Variants in CDKAL1 observed in about 807,000 individuals in gnomAD.
CDKAL1 encodes threonylcarbamoyladenosine tRNA methylthiotransferase.
Under a neutral mutation model 68.2 loss-of-function variants are expected in CDKAL1, and 32 were observed. That is an observed-to-expected ratio of 0.47 (90% CI 0.35 to 0.63). The LOEUF is 0.63. Ranked by LOEUF, CDKAL1 falls within the 30% of genes least tolerant of loss-of-function variation. The pLI, the probability that CDKAL1 is intolerant of heterozygous loss-of-function variation, is 0.00. For synonymous variants in CDKAL1, 234 were observed against 244.3 expected (o/e 0.96, Z 0.39); for missense variants, 606 against 696.7 (o/e 0.87, Z 1.47).
In CDKAL1 at chr6:20,603,768, A is replaced by ATTTTTTTT. The variant is rs745786047; in HGVS notation, c.287-45506_287-45499dup. ...ACATTGATTAATGGGCAGTTGCTAA[A>ATTTTTTTT]TTTTTTTTTTTTTTTTTTTTTTTTT... On this transcript the variant is annotated intron_variant, in intron 4 of 15. Coordinates refer to ENST00000274695, the MANE Select transcript of CDKAL1 (RefSeq NM_017774.3). Among the ~76,000 whole-genome samples the ATTTTTTTT allele has an allele frequency of 1.7e-3, 141 of 85,208 alleles. 16 individuals are homozygous for ATTTTTTTT. Among genetic ancestry groups the ATTTTTTTT allele is most frequent in the East Asian group, 7.3e-3 (17 of 2,314 alleles). The allele number at this position is 85,208 out of a possible 152,430, so 55.9% of individuals were successfully genotyped here. A position where few individuals can be genotyped will look rare whatever the true frequency, so the allele number is the denominator to read the frequency against.
chr6:20,677,871 T>C (rs1350971316), intron 5 of CDKAL1, among the ~76,000 whole-genome samples: 1 of 152,220 alleles, frequency 6.6e-6, no homozygotes, highest in Non-Finnish European at 1.5e-5. Flanking sequence ...ATTTAGGTTT[T>C]TATTTCTCCT....
At chr6:21,126,569 C>T (rs557819718) in intron 13 of CDKAL1, among the ~76,000 whole-genome samples, 27 of 152,324 alleles carry the variant, frequency 1.8e-4, no homozygotes, top group Non-Finnish European at 2.9e-4. Flanking sequence ...CACCACTTGC[C>T]TGAGTCCTCT....
At chr6:20,819,190 C>T (rs116485578) in intron 8 of CDKAL1, among the ~76,000 whole-genome samples, 1 of 151,420 alleles carries the variant, frequency 6.6e-6, no homozygotes, top group Non-Finnish European at 1.5e-5. Flanking sequence ...TTTATTTTCA[C>T]TATAAATAAG....
intron 12 of CDKAL1, among the ~76,000 whole-genome samples, chr6:21,072,659 G>A (rs1043420801): frequency 2.7e-5 from 4 of 146,264 alleles, no homozygotes; most frequent in African/African-American, 1.0e-4. Context: ...CAGTCACCCA[G>A]GCCTGGAATA....
intron 15 of CDKAL1, among the ~76,000 whole-genome samples, chr6:21,225,212 A>T (rs549371976): frequency 6.6e-6 from 1 of 152,192 alleles, no homozygotes; most frequent in South Asian, 2.1e-4. Flanking sequence ...TGGTTGAGAG[A>T]GGTTTTCCTA....
intron 9 of CDKAL1, among the ~76,000 whole-genome samples, chr6:20,952,004 G>GC (rs1345218787): frequency 1.4e-5 from 2 of 139,798 alleles, no homozygotes; most frequent in Admixed American, 1.6e-4. Flanking sequence ...TGTCGCCCAG[G>GC]CTGGAGTGCA....
chr6:20,591,553 G>T (rs562865347), intron 4 of CDKAL1, among the ~76,000 whole-genome samples: 65 of 152,196 alleles, frequency 4.3e-4, no homozygotes, highest in African/African-American at 1.4e-3. Context: ...AAGGGGTCCA[G>T]TTTCTGTTAG....
chr6:21,017,363 G>T (rs1303698443), intron 11 of CDKAL1, among the ~76,000 whole-genome samples: 1 of 152,220 alleles, frequency 6.6e-6, no homozygotes, highest in African/African-American at 2.4e-5. Context: ...GAACCCCTCA[G>T]GAAGGTACAG....
intron 10 of CDKAL1, among the ~76,000 whole-genome samples, chr6:20,961,988 C>T (rs966171527): frequency 1.8e-4 from 28 of 152,178 alleles, no homozygotes; most frequent in African/African-American, 6.5e-4. Flanking sequence ...ACTTATCTCC[C>T]TTTAAGAGAC....
intron 5 of CDKAL1, among the ~76,000 whole-genome samples, chr6:20,702,236 C>T (rs796502459): frequency 1.3e-5 from 2 of 152,106 alleles, no homozygotes; most frequent in African/African-American, 2.4e-5. Context: ...ACGGGCAGGT[C>T]GTGGGGCTCT....
At position 21,057,254 on chromosome 6, in the gene CDKAL1, G is replaced by T. The variant is rs191285513; in HGVS notation, c.1056-7794G>T. ...TTCTTCCTTGTTCACTCTTGGGAGG[G>T]TGTATGTGTCCAGGAATTTATCCAT... On this transcript the variant is annotated intron_variant, in intron 11 of 15. Coordinates refer to ENST00000274695, the MANE Select transcript of CDKAL1 (RefSeq NM_017774.3). 1.3e-3 allele frequency among the ~76,000 whole-genome samples: 205 copies of T among 152,222 alleles called. 1 individual carries two copies. In the Middle Eastern group the frequency reaches 0.014, roughly 10 times the overall value.
At chr6:21,009,382 A>G (rs1041344334) in intron 11 of CDKAL1, among the ~76,000 whole-genome samples, 4 of 152,320 alleles carry the variant, frequency 2.6e-5, no homozygotes, top group Admixed American at 1.3e-4. Flanking sequence ...ACAACATTCT[A>G]TAGTCAATAT....
chr6:20,787,867 C>G (rs1439624737), intron 8 of CDKAL1, among the ~76,000 whole-genome samples: 1 of 152,162 alleles, frequency 6.6e-6, no homozygotes, highest in African/African-American at 2.4e-5. Context: ...GTATTTTACA[C>G]AGATACTGGT....
At chr6:20,544,847 C>T (rs1175621175) in intron 2 of CDKAL1, among the ~76,000 whole-genome samples, 1 of 151,982 alleles carries the variant, frequency 6.6e-6, no homozygotes, top group South Asian at 2.1e-4. Context: ...TCCAGGATCC[C>T]TCCAGGTCCT....
intron 10 of CDKAL1, among the ~76,000 whole-genome samples, chr6:20,987,028 A>T (rs545547912): frequency 4.6e-5 from 7 of 152,158 alleles, no homozygotes; most frequent in African/African-American, 1.7e-4. Flanking sequence ...TGGCTGTCCT[A>T]TATTCTTCTT....
chr6:20,857,842 C>A (rs559421705), intron 9 of CDKAL1, among the ~76,000 whole-genome samples: 3 of 152,094 alleles, frequency 2.0e-5, no homozygotes, highest in Non-Finnish European at 4.4e-5. Flanking sequence ...CCACACCAGA[C>A]CTTTCTTCAG....
intron 4 of CDKAL1, among the ~76,000 whole-genome samples, chr6:20,600,419 G>A (rs1448361276): frequency 6.6e-6 from 1 of 151,998 alleles, no homozygotes; most frequent in Non-Finnish European, 1.5e-5. Context: ...TTTTCCATTT[G>A]TGGTTAAACC....
chr6:21,088,669 T>A (rs1772832315), intron 12 of CDKAL1, among the ~76,000 whole-genome samples: 2 of 152,150 alleles, frequency 1.3e-5, no homozygotes, highest in East Asian at 3.9e-4. Context: ...AGGCTGGGCA[T>A]GGTGACTCAC....
intron 4 of CDKAL1, among the ~76,000 whole-genome samples, chr6:20,585,264 G>A (rs925352778): frequency 1.3e-5 from 2 of 151,984 alleles, no homozygotes; most frequent in Non-Finnish European, 2.9e-5. Context: ...GTGTTAGCCA[G>A]GATGGTCTCG....
Sources: gnomAD v4.1 joint callset for allele counts (sites outside exome capture counted in the v4.1 genomes callset) on GRCh38, gnomAD v4.1.1 for gene constraint, MANE v1.5 for transcripts, NCBI Gene and HGNC (gene_info 2026-07-23, HGNC 2026-07-21) for gene names.